The following TMEM117 variants were observed in gnomAD, a reference collection of about 807,000 sequenced individuals.
TMEM117 encodes the protein transmembrane protein 117.
Under a neutral mutation model 52.4 loss-of-function variants are expected in TMEM117, and 27 were observed. The ratio of observed to expected loss-of-function variants is 0.51; its 90% CI spans 0.38 to 0.71. The LOEUF is 0.71. TMEM117 is among the 30% of genes least tolerant of loss of function. The pLI is 0.00. For missense variants in TMEM117, 556 were observed against 630.5 expected, an observed-to-expected ratio of 0.88 and a Z score of 1.26; for synonymous variants, 215 against 206.3, an observed-to-expected ratio of 1.04 and a Z score of -0.36.
the TMEM117 span, among the ~76,000 whole-genome samples, chr12:43,800,089 T>A: frequency 6.6e-6 from 1 of 152,138 alleles, no homozygotes; most frequent in Non-Finnish European, 1.5e-5. Flanking sequence ...TCCACTAGAT[T>A]ATATGACTTT....
intron 2 of TMEM117, among the ~76,000 whole-genome samples, chr12:43,915,226 G>A (rs1003549122): frequency 6.6e-6 from 1 of 152,060 alleles, no homozygotes; most frequent in African/African-American, 2.4e-5. Context: ...TACCAAAGGC[G>A]CTCCACACTT....
At chr12:44,354,650 G>T (rs1184528382) in intron 6 of TMEM117, among the ~76,000 whole-genome samples, 1 of 151,680 alleles carries the variant, frequency 6.6e-6, no homozygotes, top group Admixed American at 6.6e-5. Flanking sequence ...AATAAATTAG[G>T]TATTGATGGG....
intron 3 of TMEM117, among the ~76,000 whole-genome samples, chr12:44,066,402 G>C (rs1181570945): frequency 2.6e-5 from 4 of 152,186 alleles, no homozygotes; most frequent in African/African-American, 9.7e-5. Flanking sequence ...TAGTAAACAA[G>C]CTAAATGTTT....
Position 43,944,217 on chromosome 12 carries a change from G to A in TMEM117, c.285G>A (p.Leu95=). ...ATAATATTTGTATTTCAGGTCAGTT[G>A]CTCCGATTAAAAATGTTTCGAGAAG... ...FLFHQRLFGQ[L]LRLKMFREDH... The change falls in exon 3 of 8, where the codon TTG becomes TTA. Residue 95 remains leucine (L), a synonymous_variant. Coordinates refer to ENST00000266534, the MANE Select transcript of TMEM117 (RefSeq NM_032256.3). The A allele has an allele frequency of 6.2e-7, 1 of 1,610,590 alleles. No individual in the cohort carries two copies. The highest frequency in any genetic ancestry group is 8.5e-7 in the Non-Finnish European group (1 of 1,178,698).
chr12:44,006,700 A>G (rs1946202465), intron 3 of TMEM117, among the ~76,000 whole-genome samples: 1 of 152,176 alleles, frequency 6.6e-6, no homozygotes, highest in Non-Finnish European at 1.5e-5. Context: ...CCAGATACAT[A>G]CATATAGATA....
intron 5 of TMEM117, among the ~76,000 whole-genome samples, chr12:44,214,486 A>G (rs1445914719): frequency 1.3e-5 from 2 of 152,064 alleles, no homozygotes; most frequent in Admixed American, 6.6e-5. Context: ...GTTTATTTTT[A>G]ACATATGTGA....
At position 44,047,024 on chromosome 12, in the gene TMEM117, CTGAG is replaced by C. The variant is rs1946890673; in HGVS notation, c.411-96499_411-96496del. On this transcript the variant is annotated intron_variant, in intron 3 of 7. Coordinates refer to ENST00000266534, the MANE Select transcript of TMEM117 (RefSeq NM_032256.3). Reference sequence around the variant, plus strand: ...GGGGGTGAACTTGTGATGGTTAATACTGAGTATCAACTTGATTGGATTGAGGGAT... The same window carrying C: ...GGGGGTGAACTTGTGATGGTTAATACTATCAACTTGATTGGATTGAGGGAT... 2.0e-5 allele frequency among the ~76,000 whole-genome samples: 3 copies of C among 152,148 alleles called. No individual in the cohort carries two copies. The South Asian group carries it at 6.2e-4, about 32-fold the overall frequency.
intron 3 of TMEM117, among the ~76,000 whole-genome samples, chr12:43,995,795 A>C (rs1946020937): frequency 6.6e-6 from 1 of 152,242 alleles, no homozygotes; most frequent in Non-Finnish European, 1.5e-5. Context: ...CATTACCAAA[A>C]CAATAACAGT....
chr12:44,021,220 C>G (rs573552487), intron 3 of TMEM117, among the ~76,000 whole-genome samples: 51 of 152,196 alleles, frequency 3.4e-4, no homozygotes, highest in Middle Eastern at 3.4e-3. Flanking sequence ...GTATTAAGCC[C>G]AGTACCAAAT....
At chr12:44,274,573 C>T (rs1306215751) in intron 5 of TMEM117, among the ~76,000 whole-genome samples, 1 of 152,014 alleles carries the variant, frequency 6.6e-6, no homozygotes, top group South Asian at 2.1e-4. Flanking sequence ...GCTATAGTAA[C>T]CAAAACAGCA....
intron 3 of TMEM117, among the ~76,000 whole-genome samples, chr12:44,019,015 C>G (rs1056215773): frequency 2.6e-5 from 4 of 152,146 alleles, no homozygotes; most frequent in Admixed American, 2.0e-4. Context: ...TAACTCTACT[C>G]TTGTAGCTGC....
At position 44,388,466 on chromosome 12, in the gene TMEM117, G is replaced by A; in HGVS notation, c.1339G>A (p.Gly447Arg). The change falls in exon 8 of 8, where the codon GGA (glycine) becomes AGA (arginine). Residue 447 changes from glycine (G) to arginine (R), a missense_variant. By Grantham distance (125) the Gly-to-Arg change is moderately radical. Around this residue, in one of 3 missense-constraint regions of TMEM117, gnomAD observed 206 missense variants for 211.1 expected, o/e 0.98. Transcript: ENST00000266534. ...TCCATCAGAACATAGCAAAGACATGGGAATCACTCGAGAAAACACCCAGGC... is the reference window on the plus strand; with the variant it reads ...TCCATCAGAACATAGCAAAGACATGAGAATCACTCGAGAAAACACCCAGGC... ...KSPSEHSKDM[G>R]ITRENTQASV... 6.2e-7 allele frequency: 1 copy of A among 1,613,324 alleles called. No individual in the cohort carries two copies. Among genetic ancestry groups the A allele is most frequent in the Non-Finnish European group, 8.5e-7 (1 of 1,179,642 alleles).
intron 3 of TMEM117, among the ~76,000 whole-genome samples, chr12:44,124,244 A>G (rs755126205): frequency 6.6e-6 from 1 of 152,160 alleles, no homozygotes; most frequent in Non-Finnish European, 1.5e-5. Flanking sequence ...AATTTTTCAC[A>G]TTGATTTTGT....
chr12:44,196,682 T>C (rs1184621351), intron 4 of TMEM117, among the ~76,000 whole-genome samples: 2 of 152,230 alleles, frequency 1.3e-5, no homozygotes, highest in African/African-American at 4.8e-5. Context: ...TTTACAAAGG[T>C]ACACATTTAG....
At chr12:43,875,798 G>A (rs1042594733) in intron 2 of TMEM117, among the ~76,000 whole-genome samples, 1 of 152,068 alleles carries the variant, frequency 6.6e-6, no homozygotes, top group African/African-American at 2.4e-5. Context: ...AGAAATCAGA[G>A]GCTACTTTAC....
At chr12:44,372,429 G>T (rs553911122) in intron 6 of TMEM117, among the ~76,000 whole-genome samples, 1 of 152,038 alleles carries the variant, frequency 6.6e-6, no homozygotes, top group Non-Finnish European at 1.5e-5. Flanking sequence ...ATGATGCCAG[G>T]AGAATCTCAG....
intron 3 of TMEM117, among the ~76,000 whole-genome samples, chr12:44,136,612 C>T (rs1385357844): frequency 6.6e-6 from 1 of 151,870 alleles, no homozygotes; most frequent in Non-Finnish European, 1.5e-5. Flanking sequence ...CTGTGTAGCT[C>T]TGGTATTGTT....
intron 4 of TMEM117, among the ~76,000 whole-genome samples, chr12:44,151,560 C>A (rs1221574803): frequency 7.1e-6 from 1 of 140,928 alleles, no homozygotes; most frequent in Non-Finnish European, 1.5e-5. Flanking sequence ...TTCCTGTGTC[C>A]ATGTTTAAAG....
intron 3 of TMEM117, among the ~76,000 whole-genome samples, chr12:44,040,049 A>G (rs1035137503): frequency 6.6e-6 from 1 of 152,174 alleles, no homozygotes; most frequent in Non-Finnish European, 1.5e-5. Flanking sequence ...GAGAAGCAGA[A>G]CAACTTGTAG....
Sources: allele counts gnomAD v4.1 joint callset (sites outside exome capture counted in the v4.1 genomes callset), GRCh38; gene constraint gnomAD v4.1.1; regional missense constraint gnomAD v4.1.1; transcripts MANE v1.5; gene names NCBI Gene and HGNC (gene_info 2026-07-23, HGNC 2026-07-21).